NEO1: variants seen among roughly 807,000 people sequenced by gnomAD.
NEO1 encodes the protein neogenin.
A neutral mutation model predicts 159.7 loss-of-function variants in NEO1; 63 were observed. The observed-to-expected ratio is 0.39, with a 90% CI of 0.32 to 0.49. The LOEUF (loss-of-function observed/expected upper bound fraction) is 0.49. NEO1 is among the 20% of genes least tolerant of loss of function. The pLI, the probability that NEO1 is intolerant of heterozygous loss-of-function variation, is 0.85. For missense variants in NEO1, 1,615 were observed against 1,831.0 expected (o/e 0.88, Z 2.15); for synonymous variants, 633 against 662.0 (o/e 0.96, Z 0.67).
rs1443704941 is a variant in NEO1, at chr15:73,298,496, T to C, written c.4050T>C (p.Thr1350=). 2 of 1,614,194 alleles carry C rather than the reference T, an allele frequency of 1.2e-6. No individual in the cohort carries two copies. The highest frequency in any genetic ancestry group is 2.2e-5 in the South Asian group (2 of 91,090). ...QEEDSGQSLP[T]AHVRPSHPLK... Reference sequence around the variant, plus strand: ...AAGATTCAGGCCAGAGTCTTCCCACTGCCCATGTTCGCCCTTCCCACCCAT... The same window carrying C: ...AAGATTCAGGCCAGAGTCTTCCCACCGCCCATGTTCGCCCTTCCCACCCAT... The change falls in exon 27 of 29, where the codon ACT becomes ACC. Residue 1350 remains threonine (T), a synonymous_variant. Coordinates refer to ENST00000261908, the MANE Select transcript of NEO1 (RefSeq NM_002499.4).
At chr15:73,296,095 T>C (rs1033011542) in intron 26 of NEO1, among the ~76,000 whole-genome samples, 1 of 152,238 alleles carries the variant, frequency 6.6e-6, no homozygotes, top group Non-Finnish European at 1.5e-5. Flanking sequence ...TGCTGACTCA[T>C]GTAGGCAACC....
At chr15:73,189,161 A>G (rs1335970750) in intron 7 of NEO1, among the ~76,000 whole-genome samples, 1 of 152,222 alleles carries the variant, frequency 6.6e-6, no homozygotes, top group African/African-American at 2.4e-5. Flanking sequence ...TGAATTTTAT[A>G]TCTTTGATTG....
At chr15:73,070,936 T>C (rs78172015) in intron 1 of NEO1, among the ~76,000 whole-genome samples, 61 of 152,320 alleles carry the variant, frequency 4.0e-4, no homozygotes, top group African/African-American at 1.4e-3. Flanking sequence ...CTGGTTGCCT[T>C]AGCCATTGGC....
chr15:73,302,375 T>C (rs1351870718), intron 28 of NEO1, among the ~76,000 whole-genome samples: 1 of 152,184 alleles, frequency 6.6e-6, no homozygotes, highest in Admixed American at 6.5e-5. Context: ...GTGAAGTCAT[T>C]GTGACCCTGG....
intron 11 of NEO1, 142 bp from the exon 12 acceptor site, chr15:73,253,258 G>A: frequency 4.3e-6 from 2 of 461,332 alleles, no homozygotes. Context: ...TCAACATGAG[G>A]GCATTGGCAG....
chr15:73,229,830 T>C (rs2038806296), intron 7 of NEO1, among the ~76,000 whole-genome samples: 1 of 152,190 alleles, frequency 6.6e-6, no homozygotes, highest in African/African-American at 2.4e-5. Flanking sequence ...CTTAATGTGA[T>C]GTGTTTAATT....
In NEO1 at chr15:73,116,649, T is replaced by G. The variant is rs1488954071; in HGVS notation, c.240T>G (p.Pro80=). ...TAAACTGTTCAGCATATTCTGAGCC[T>G]TCTCCAAAAATTGAATGGAAAAAAG... ...VILNCSAYSE[P]SPKIEWKKDG... The change falls in exon 2 of 29, where the codon CCT becomes CCG. Residue 80 remains proline, a synonymous_variant. Coordinates refer to ENST00000261908, the MANE Select transcript of NEO1 (RefSeq NM_002499.4). 1.2e-6 allele frequency: 2 copies of G among 1,613,898 alleles called. No homozygotes were observed. The highest frequency in any genetic ancestry group is 1.7e-6 in the Non-Finnish European group (2 of 1,179,930).
intron 1 of NEO1, among the ~76,000 whole-genome samples, chr15:73,067,854 G>A (rs2068302595): frequency 6.6e-6 from 1 of 152,088 alleles, no homozygotes; most frequent in South Asian, 2.1e-4. Context: ...CTGACCTCGT[G>A]ATCCACCTGT....
At chr15:73,121,829 C>A (rs1258696820) in intron 2 of NEO1, among the ~76,000 whole-genome samples, 1 of 151,950 alleles carries the variant, frequency 6.6e-6, no homozygotes, top group Non-Finnish European at 1.5e-5. Context: ...GACTTCTGTG[C>A]CCTTTTGATA....
intron 4 of NEO1, among the ~76,000 whole-genome samples, chr15:73,131,222 G>A (rs190493346): frequency 1.2e-4 from 19 of 152,304 alleles, no homozygotes; most frequent in African/African-American, 4.6e-4. Context: ...TCAACTGAAA[G>A]GAGAAAAGAC....
chr15:73,228,586 G>A (rs557234811), intron 7 of NEO1, among the ~76,000 whole-genome samples: 95 of 149,836 alleles, frequency 6.3e-4, no homozygotes, highest in Non-Finnish European at 1.2e-3. Flanking sequence ...GTTTTTTTCT[G>A]GGTTTTTTTT....
intron 7 of NEO1, among the ~76,000 whole-genome samples, chr15:73,197,900 C>T (rs1465944485): frequency 3.3e-5 from 5 of 151,966 alleles, no homozygotes; most frequent in Non-Finnish European, 7.4e-5. Flanking sequence ...AGGCTGGTCT[C>T]GAACTCCTGA....
chr15:73,282,021 T>C (rs1233934538), intron 22 of NEO1, among the ~76,000 whole-genome samples: 1 of 152,188 alleles, frequency 6.6e-6, no homozygotes, highest in Non-Finnish European at 1.5e-5. Context: ...ATCCCTTTTT[T>C]CCTCCTCACT....
intron 7 of NEO1, among the ~76,000 whole-genome samples, chr15:73,199,966 C>T (rs187296490): frequency 8.9e-4 from 135 of 152,290 alleles, no homozygotes; most frequent in Non-Finnish European, 1.6e-3. Context: ...CCAAAGGCCA[C>T]ACCTCTTAAT....
intron 16 of NEO1, among the ~76,000 whole-genome samples, chr15:73,268,509 T>C (rs2041020488): frequency 6.6e-6 from 1 of 152,356 alleles, no homozygotes; most frequent in Non-Finnish European, 1.5e-5. Flanking sequence ...ACAAAGCTCT[T>C]GGTTATATAA....
chr15:73,236,358 A>G lies in NEO1; in HGVS notation c.1303A>G (p.Thr435Ala). Reference protein sequence around the residue: ...LIILEHAPATTGPLPSAPRDV... With the variant: ...LIILEHAPATAGPLPSAPRDV... Reference sequence around the variant, plus strand: ...TACTGACCATCTAGCACCAGCCACAACGGGACCACTGCCTTCAGCTCCTCG... The same window carrying G: ...TACTGACCATCTAGCACCAGCCACAGCGGGACCACTGCCTTCAGCTCCTCG... Residue 435 changes from threonine to alanine, a missense_variant, in exon 8 of 29, where the codon ACG becomes GCG. This residue lies in a region of NEO1 where 1,018 missense variants were observed against 1,115.4 expected (regional missense o/e 0.91). Coordinates refer to ENST00000261908, the MANE Select transcript of NEO1 (RefSeq NM_002499.4). 1 of 1,614,072 alleles carries G rather than the reference A, an allele frequency of 6.2e-7. No homozygotes were observed. Among genetic ancestry groups the G allele is most frequent in the East Asian group, 2.2e-5 (1 of 44,870 alleles).
At position 73,242,589 on chromosome 15, in the gene NEO1, G is replaced by T. The variant is rs145170614; in HGVS notation, c.1452-1755G>T. Among the ~76,000 whole-genome samples, 854 of 152,278 alleles carry T rather than the reference G, an allele frequency of 5.6e-3. 7 individuals are homozygous for T. The highest frequency in any genetic ancestry group is 0.019 in the African/African-American group (805 of 41,548). On this transcript the variant is annotated intron_variant, in intron 8 of 28. Transcript: ENST00000261908. ...GGAGGCCAGGGCACAAGAATCCCTT[G>T]GACCCAGGAGGTGGAGGCTTCAGTG...
At chr15:73,275,664 G>A (rs775313697) in intron 21 of NEO1, among the ~76,000 whole-genome samples, 1 of 151,874 alleles carries the variant, frequency 6.6e-6, no homozygotes, top group African/African-American at 2.4e-5. Context: ...CAAAAAAAAA[G>A]TAAATAAATA....
intron 1 of NEO1, among the ~76,000 whole-genome samples, chr15:73,085,585 C>T (rs955249290): frequency 1.3e-5 from 2 of 152,198 alleles, no homozygotes; most frequent in African/African-American, 4.8e-5. Flanking sequence ...TTAAAATTCC[C>T]ACCAACAGTG....
Sources: allele counts gnomAD v4.1 joint callset (sites outside exome capture counted in the v4.1 genomes callset), GRCh38; gene constraint gnomAD v4.1.1; regional missense constraint gnomAD v4.1.1; transcripts MANE v1.5; gene names NCBI Gene and HGNC (gene_info 2026-07-23, HGNC 2026-07-21).